The following OOEP variants were observed in gnomAD, a reference collection of about 807,000 sequenced individuals.
OOEP encodes the protein oocyte-expressed protein homolog.
In OOEP, 16 loss-of-function variants were observed where a neutral mutation model predicts 13.7. The ratio of observed to expected loss-of-function variants is 1.16; its 90% CI spans 0.79 to 1.77. The LOEUF (loss-of-function observed/expected upper bound fraction) is 1.77. Among genes scored for constraint, OOEP ranks in the 40% most tolerant of loss-of-function variants. The pLI, the probability that OOEP is intolerant of heterozygous loss-of-function variation, is 0.00. For synonymous variants in OOEP, 89 were observed against 77.1 expected (o/e 1.15, Z -0.81); for missense variants, 195 against 193.1 (o/e 1.01, Z -0.06).
chr6:73,369,917 C>G, upstream of OOEP: 3 of 833,384 alleles, frequency 3.6e-6, no homozygotes, highest in Non-Finnish European at 5.6e-6. Flanking sequence ...GGCGGCGCCT[C>G]GCACCGCGTC....
At chr6:73,383,974 T>TA (rs1769237680) in intron 2 of OOEP, among the ~76,000 whole-genome samples, 1 of 151,928 alleles carries the variant, frequency 6.6e-6, no homozygotes, top group Non-Finnish European at 1.5e-5. Flanking sequence ...CACATGCCTG[T>TA]AATCCCAGCT....
At chr6:73,369,537 G>A in intron 1 of OOEP, 66 bp downstream of exon 1, 1 of 1,546,642 alleles carries the variant, frequency 6.5e-7, no homozygotes, top group Non-Finnish European at 8.9e-7. Flanking sequence ...ACTGTAGAGA[G>A]CTGCTCTGCC....
chr6:73,370,840 G>A (rs1351253619), upstream of OOEP, among the ~76,000 whole-genome samples: 2 of 152,146 alleles, frequency 1.3e-5, no homozygotes, highest in African/African-American at 4.8e-5. Flanking sequence ...GGAATGCAGT[G>A]GCACGATCTC....
upstream of OOEP, among the ~76,000 whole-genome samples, chr6:73,371,769 A>AT (rs1769061578): frequency 2.7e-5 from 3 of 112,718 alleles, no homozygotes; most frequent in Admixed American, 1.8e-4. Context: ...AAAAAAATAA[A>AT]AATAAAAAAA....
intron 2 of OOEP, among the ~76,000 whole-genome samples, chr6:73,382,550 C>T (rs1201764995): frequency 2.0e-5 from 3 of 151,544 alleles, no homozygotes; most frequent in Admixed American, 2.0e-4. Context: ...TTGTAGAGAG[C>T]GGGTCTCACC....
At chr6:73,374,207 G>T (rs1290236720), upstream of OOEP, among the ~76,000 whole-genome samples, 1 of 151,958 alleles carries the variant, frequency 6.6e-6, no homozygotes, top group Non-Finnish European at 1.5e-5. Flanking sequence ...TAAAGATAAC[G>T]TACAATTTTA....
rs1769019116 is a variant in OOEP at position 73,369,827 on chromosome 6, G to A, written c.-35C>T. On this transcript the variant is annotated 5_prime_UTR_variant, in exon 1 of 3. Coordinates refer to ENST00000370359, the MANE Select transcript of OOEP (RefSeq NM_001080507.3). ...AGCAGCCGCGGAGCGCGCTCGAGGC[G>A]GCTTTCGCAAGACCTCTTCCAGACC... 7 of 1,591,194 alleles carry A rather than the reference G, an allele frequency of 4.4e-6. No homozygotes were observed. The highest frequency in any genetic ancestry group is 2.2e-5 in the South Asian group (2 of 89,964).
At chr6:73,386,915 C>A (rs1316628149) in intron 2 of OOEP, among the ~76,000 whole-genome samples, 3 of 141,958 alleles carry the variant, frequency 2.1e-5, no homozygotes, top group African/African-American at 5.2e-5. Context: ...TTGCAGTGAG[C>A]CGAGATCATG....
intron 2 of OOEP, among the ~76,000 whole-genome samples, chr6:73,376,810 C>G (rs940948425): frequency 5.9e-5 from 9 of 152,280 alleles, no homozygotes; most frequent in African/African-American, 2.2e-4. Context: ...TGCCACCATG[C>G]CTGGCTAATT....
At chr6:73,394,720 G>A (rs773750545) in exon 1 of OOEP, 1 of 824,714 alleles carries the variant, frequency 1.2e-6, no homozygotes, top group Non-Finnish European at 1.8e-6. Flanking sequence ...AACGCTCACT[G>A]GCCAATGGCT....
chr6:73,389,692 T>G, intron 2 of OOEP, among the ~76,000 whole-genome samples: 2 of 122,808 alleles, frequency 1.6e-5, no homozygotes, highest in Admixed American at 9.2e-5. Flanking sequence ...CGGGGACTGT[T>G]GTGGGGTGGG....
chr6:73,385,961 T>G (rs774961488), intron 2 of OOEP, among the ~76,000 whole-genome samples: 37 of 152,150 alleles, frequency 2.4e-4, no homozygotes, highest in Non-Finnish European at 4.6e-4. Context: ...TTCCTTCCCC[T>G]GAAAGATCAG....
chr6:73,390,373 C>T (rs1769330557), intron 2 of OOEP, among the ~76,000 whole-genome samples: 1 of 152,026 alleles, frequency 6.6e-6, no homozygotes, highest in Non-Finnish European at 1.5e-5. Flanking sequence ...CCCAGGCCCT[C>T]CAAAGATACT....
chr6:73,387,980 ATGCCTCAG>A (rs550672431), intron 2 of OOEP, among the ~76,000 whole-genome samples: 10 of 152,118 alleles, frequency 6.6e-5, no homozygotes, highest in Admixed American at 3.3e-4. Context: ...AGCGATTCTC[ATGCCTCAG>A]TGCCTCAGCC....
rs1035736646 is a variant in OOEP at position 73,368,694 on chromosome 6, C to T, written c.*90G>A. ...CATCAAGACACAGGAAAAAGGAATA[C>T]GGGGATTTAAGAATGCTATACTTGC... is the stretch of plus-strand genomic sequence containing the variant. On this transcript the variant is annotated 3_prime_UTR_variant, in exon 3 of 3. Transcript: ENST00000370359. 12 of 824,000 alleles carry T rather than the reference C, an allele frequency of 1.5e-5. No homozygotes were observed. The highest frequency in any genetic ancestry group is 1.0e-4 in the Admixed American group (5 of 49,864). 51.0% of individuals were successfully genotyped at this position (824,000 alleles called of 1,614,324 possible). A position where few individuals can be genotyped will look rare whatever the true frequency, so the allele number is the denominator to read the frequency against.
intron 2 of OOEP, among the ~76,000 whole-genome samples, chr6:73,379,965 G>C (rs562523875): frequency 1.3e-5 from 2 of 152,278 alleles, no homozygotes; most frequent in Non-Finnish European, 2.9e-5. Flanking sequence ...CAGATATTTA[G>C]ATAATTGTGG....
chr6:73,392,415 T>C (rs1365109844), intron 2 of OOEP, among the ~76,000 whole-genome samples: 1 of 151,882 alleles, frequency 6.6e-6, no homozygotes, highest in African/African-American at 2.4e-5. Context: ...AGCAATTCTC[T>C]CACCTCAGCT....
At chr6:73,379,037 A>G (rs937773497) in intron 2 of OOEP, among the ~76,000 whole-genome samples, 2 of 151,792 alleles carry the variant, frequency 1.3e-5, no homozygotes, top group African/African-American at 4.8e-5. Flanking sequence ...GATTATGATT[A>G]TTATTTTTTG....
chr6:73,388,896 T>A (rs7771489), intron 2 of OOEP, among the ~76,000 whole-genome samples: 3,014 of 151,284 alleles, frequency 0.02, 38 homozygotes, highest in Middle Eastern at 0.082. Flanking sequence ...TGTGGGAGAG[T>A]GTGGCTCCTT....
Sources: allele counts gnomAD v4.1 joint callset (sites outside exome capture counted in the v4.1 genomes callset), GRCh38; gene constraint gnomAD v4.1.1; transcripts MANE v1.5; gene names NCBI Gene and HGNC (gene_info 2026-07-23, HGNC 2026-07-21).